LRP1B: variants seen among roughly 807,000 people sequenced by gnomAD.
The protein encoded by LRP1B is LDL receptor related protein 1B.
In LRP1B, 217 loss-of-function variants were observed where a neutral mutation model predicts 556.6. The observed-to-expected ratio is 0.39, with a 90% CI of 0.35 to 0.44. The LOEUF is 0.44. Ranked by LOEUF, LRP1B falls within the 20% of genes least tolerant of loss-of-function variation. The pLI, the probability that LRP1B is intolerant of heterozygous loss-of-function variation, is 1.00. For synonymous variants in LRP1B, 2,047 were observed against 1,865.8 expected (o/e 1.10, Z -2.50); for missense variants, 5,053 against 5,620.8 (o/e 0.90, Z 3.23).
At chr2:141,518,686 C>T (rs11676090) in intron 2 of LRP1B, among the ~76,000 whole-genome samples, 91,728 of 151,658 alleles carry the variant, frequency 0.6, 28,012 homozygotes, top group South Asian at 0.7. Flanking sequence ...TGGTGGCTCA[C>T]GCCTGTAATC....
chr2:141,464,630 C>T (rs1488017674), intron 3 of LRP1B, among the ~76,000 whole-genome samples: 2 of 76,536 alleles, frequency 2.6e-5, no homozygotes, highest in Non-Finnish European at 6.3e-5. Flanking sequence ...GATGGGGTTT[C>T]ACCGTGTTAG....
At chr2:142,068,824 G>C (rs186748907) in intron 1 of LRP1B, among the ~76,000 whole-genome samples, 160 of 151,474 alleles carry the variant, frequency 1.1e-3, no homozygotes, top group African/African-American at 3.8e-3. Flanking sequence ...TGAGTTAGTG[G>C]TCGGCTAATG....
At chr2:141,038,495 A>G (rs1387035946) in intron 11 of LRP1B, among the ~76,000 whole-genome samples, 1 of 152,088 alleles carries the variant, frequency 6.6e-6, no homozygotes, top group East Asian at 1.9e-4. Flanking sequence ...AAATAAAGTT[A>G]TGCCTTAGAT....
chr2:141,077,886 C>G (rs1171448856), intron 7 of LRP1B, among the ~76,000 whole-genome samples: 1 of 152,006 alleles, frequency 6.6e-6, no homozygotes, highest in African/African-American at 2.4e-5. Flanking sequence ...TTGGAGACCA[C>G]TTCTCTGCCA....
chr2:141,419,879 TTGTTA>T lies in LRP1B; in HGVS notation c.343+60512_343+60516del, dbSNP rs901302856. Among the ~76,000 whole-genome samples, 8 of 152,184 alleles carry T rather than the reference TTGTTA, an allele frequency of 5.3e-5. No homozygotes were observed. In the South Asian group the frequency reaches 1.7e-3, roughly 32 times the overall value. ...ATTTCATTTCATTCAGAAAACATGC[TTGTTA>T]TAATTTCAACCTTCTTAAATATGTT... On this transcript the variant is annotated intron_variant, in intron 3 of 90. Coordinates refer to ENST00000389484, the MANE Select transcript of LRP1B (RefSeq NM_018557.3).
intron 2 of LRP1B, among the ~76,000 whole-genome samples, chr2:141,695,836 G>T (rs2105453146): frequency 6.6e-6 from 1 of 151,964 alleles, no homozygotes; most frequent in East Asian, 1.9e-4. Context: ...AATTCTACCA[G>T]AAAACTAGCT....
intron 2 of LRP1B, among the ~76,000 whole-genome samples, chr2:141,543,415 T>TGAGGCAGGGG (rs1340591378): frequency 2.7e-5 from 4 of 148,886 alleles, no homozygotes; most frequent in Admixed American, 6.8e-5. Context: ...CTCAAGAGGC[T>TGAGGCAGGGG]GAGGCAGGGG....
chr2:140,588,997 G>A (rs1574112980), intron 43 of LRP1B, among the ~76,000 whole-genome samples: 1 of 151,590 alleles, frequency 6.6e-6, no homozygotes, highest in African/African-American at 2.4e-5. Flanking sequence ...GACATCCATA[G>A]GCAAAAAAGT....
chr2:141,182,407 T>C (rs1337465058), intron 7 of LRP1B, among the ~76,000 whole-genome samples: 2 of 151,986 alleles, frequency 1.3e-5, no homozygotes, highest in African/African-American at 4.8e-5. Context: ...AAATAACCCC[T>C]TGATACTTTC....
At chr2:140,838,350 T>G (rs2105091539) in intron 31 of LRP1B, among the ~76,000 whole-genome samples, 1 of 152,310 alleles carries the variant, frequency 6.6e-6, no homozygotes, top group Non-Finnish European at 1.5e-5. Flanking sequence ...TTCTATCATT[T>G]TCCACATAGA....
intron 3 of LRP1B, among the ~76,000 whole-genome samples, chr2:141,437,366 A>G (rs1025115566): frequency 6.6e-6 from 1 of 152,042 alleles, no homozygotes; most frequent in Non-Finnish European, 1.5e-5. Context: ...GAAGAGATTA[A>G]TAAGGGACTA....
chr2:140,730,872 A>G (rs547001152), intron 35 of LRP1B, among the ~76,000 whole-genome samples: 1 of 152,098 alleles, frequency 6.6e-6, no homozygotes, highest in South Asian at 2.1e-4. Context: ...TATGTTATTC[A>G]GTTCCCAGAG....
At chr2:141,685,111 G>C (rs778600256) in intron 2 of LRP1B, among the ~76,000 whole-genome samples, 18 of 151,750 alleles carry the variant, frequency 1.2e-4, no homozygotes, top group Non-Finnish European at 2.5e-4. Context: ...TTTTCCTTTT[G>C]TTTTCTTCCT....
At chr2:141,094,054 T>C (rs1425108483) in intron 7 of LRP1B, among the ~76,000 whole-genome samples, 1 of 152,050 alleles carries the variant, frequency 6.6e-6, no homozygotes, top group Non-Finnish European at 1.5e-5. Flanking sequence ...CATTACGATA[T>C]ATTTCTAGAG....
At chr2:142,030,461 C>T (rs541450445) in intron 1 of LRP1B, among the ~76,000 whole-genome samples, 1 of 151,524 alleles carries the variant, frequency 6.6e-6, no homozygotes, top group Non-Finnish European at 1.5e-5. Flanking sequence ...GATAAATGGC[C>T]CTAGAATACT....
rs146102774 is a variant in LRP1B at position 141,795,298 on chromosome 2, G to A, written c.205+14981C>T. Among the ~76,000 whole-genome samples the A allele has an allele frequency of 3.1e-3, 465 of 152,002 alleles. 2 individuals carry two copies. The highest frequency in any genetic ancestry group is 0.011 in the African/African-American group (447 of 41,490). ...CTGATCATAATCTCCTAGTCTCCAT[G>A]CTGTCACATGAAAAATCCACACATA... is the stretch of plus-strand genomic sequence containing the variant. On this transcript the variant is annotated intron_variant, in intron 2 of 90. Coordinates refer to ENST00000389484, the MANE Select transcript of LRP1B (RefSeq NM_018557.3).
In LRP1B at chr2:141,152,352, C is replaced by T. The variant is rs186156722; in HGVS notation, c.1013+36069G>A. 1.3e-3 allele frequency among the ~76,000 whole-genome samples: 190 copies of T among 151,796 alleles called. 1 individual carries two copies. Among genetic ancestry groups the T allele is most frequent in the African/African-American group, 4.1e-3 (170 of 41,444 alleles). ...TCTTATTCTTTCATTTTCTCTAAACCGAACTAACTATGAAGTTTTGAGGAC... is the reference window on the plus strand; with the variant it reads ...TCTTATTCTTTCATTTTCTCTAAACTGAACTAACTATGAAGTTTTGAGGAC... On this transcript the variant is annotated intron_variant, in intron 7 of 90. Coordinates refer to ENST00000389484, the MANE Select transcript of LRP1B (RefSeq NM_018557.3).
At chr2:140,557,068 A>T (rs1680760666) in intron 43 of LRP1B, among the ~76,000 whole-genome samples, 1 of 152,144 alleles carries the variant, frequency 6.6e-6, no homozygotes, top group Non-Finnish European at 1.5e-5. Context: ...TTTCATATAC[A>T]CATCTTCTTA....
At position 140,348,010 on chromosome 2, in the gene LRP1B, A is replaced by G. The variant is rs548139467; in HGVS notation, c.11892+2787T>C. On this transcript the variant is annotated intron_variant, in intron 77 of 90. Transcript: ENST00000389484. Reference sequence around the variant, plus strand: ...AATCAATTATTAATACATAAGACAGATTTCAGAGGAATAAACACAAATTGT... The same window carrying G: ...AATCAATTATTAATACATAAGACAGGTTTCAGAGGAATAAACACAAATTGT... 3.9e-5 allele frequency among the ~76,000 whole-genome samples: 6 copies of G among 152,212 alleles called. No individual in the cohort carries two copies. In the East Asian group the frequency reaches 7.7e-4, roughly 20 times the overall value.
Sources: allele counts gnomAD v4.1 joint callset (sites outside exome capture counted in the v4.1 genomes callset), GRCh38; gene constraint gnomAD v4.1.1; transcripts MANE v1.5; gene names NCBI Gene and HGNC (gene_info 2026-07-23, HGNC 2026-07-21).